The following PCDHGA10 variants were observed in gnomAD, a reference collection of about 807,000 sequenced individuals.
PCDHGA10 encodes the protein protocadherin gamma subfamily A, 10, also known as protocadherin gamma-A10.
PCDHGA10 carries 42 observed loss-of-function variants against 59.5 expected under a neutral mutation model. The ratio of observed to expected loss-of-function variants is 0.71; its 90% confidence interval spans 0.55 to 0.91. The LOEUF is 0.91. Among genes scored for constraint, PCDHGA10 ranks in the 40% least tolerant of loss-of-function variants. PCDHGA10 has a pLI of 0.00. For synonymous variants in PCDHGA10, 511 were observed against 517.2 expected (o/e 0.99, Z 0.16); for missense variants, 1,111 against 1,198.2 (o/e 0.93, Z 1.07).
At chr5:141,416,947 T>G (rs1436457377) in intron 1 of PCDHGA10, 1 of 152,184 alleles carries the variant, frequency 6.6e-6, no homozygotes, top group Non-Finnish European at 1.5e-5. Flanking sequence ...CCATTGAAAC[T>G]ATTATTTTAT....
chr5:141,429,547 A>C (rs2097222392), intron 1 of PCDHGA10, among the ~76,000 whole-genome samples: 1 of 152,196 alleles, frequency 6.6e-6, no homozygotes, highest in Non-Finnish European at 1.5e-5. Flanking sequence ...AGAACATGGT[A>C]ATGATTTGAT....
At position 141,494,872 on chromosome 5, in the gene PCDHGA10, G is replaced by T. The variant is rs917132299; in HGVS notation, c.2495+7G>T. On this transcript the variant is annotated splice_region_variant and intron_variant, in intron 2 of 3. Transcript: ENST00000398610. The stretch of plus-strand genomic sequence containing the variant: ...AGAGACCCGGCACCAGCGGGTAGGT[G>T]ACTGATTCTCCAGCCCACCCTCTTC... 7 of 1,614,010 alleles carry T rather than the reference G, an allele frequency of 4.3e-6. No homozygotes were observed. The highest frequency in any genetic ancestry group is 1.3e-5 in the African/African-American group (1 of 74,910).
intron 1 of PCDHGA10, chr5:141,421,422 C>A (rs908483513): frequency 6.2e-7 from 1 of 1,614,086 alleles, no homozygotes; most frequent in South Asian, 1.1e-5. Flanking sequence ...AGCGCGGAGT[C>A]CGCATCGTCT....
At chr5:141,475,046 T>C (rs1430484084) in intron 1 of PCDHGA10, among the ~76,000 whole-genome samples, 1 of 152,274 alleles carries the variant, frequency 6.6e-6, no homozygotes, top group African/African-American at 2.4e-5. Context: ...CTTTGTATTT[T>C]CTAAAGATTT....
chr5:141,481,729 G>A (rs757464454), intron 1 of PCDHGA10, among the ~76,000 whole-genome samples: 6 of 151,966 alleles, frequency 3.9e-5, no homozygotes, highest in Admixed American at 1.3e-4. Flanking sequence ...GGAGGCGGGC[G>A]GATCACGAGG....
chr5:141,426,691 G>A, intron 1 of PCDHGA10: 1 of 435,886 alleles, frequency 2.3e-6, no homozygotes, highest in South Asian at 1.6e-5. Context: ...CCCCAAAATA[G>A]CATTGTTTTA....
intron 1 of PCDHGA10, among the ~76,000 whole-genome samples, chr5:141,455,408 G>A (rs1024760282): frequency 6.6e-6 from 1 of 152,150 alleles, no homozygotes; most frequent in Non-Finnish European, 1.5e-5. Context: ...TACAGAGACA[G>A]AGGGAGCGGG....
intron 1 of PCDHGA10, chr5:141,426,867 G>A (rs1436078091): frequency 4.4e-6 from 2 of 456,708 alleles, no homozygotes; most frequent in Non-Finnish European, 8.8e-6. Flanking sequence ...ATTAGTGCTG[G>A]AGAAGCCCCT....
chr5:141,494,736 T>A, intron 1 of PCDHGA10, 71 bp from the exon 2 acceptor site: 2 of 1,611,858 alleles, frequency 1.2e-6, no homozygotes, highest in Non-Finnish European at 1.7e-6. Flanking sequence ...TCCCGGCCCA[T>A]CCCTAGGGGC....
At position 141,425,713 on chromosome 5, in the gene PCDHGA10, C is replaced by T. The variant is rs191037499; in HGVS notation, c.2436+10102C>T. 3.9e-4 allele frequency among the ~76,000 whole-genome samples: 60 copies of T among 152,312 alleles called. No homozygotes were observed. In the East Asian group the frequency reaches 6.7e-3, roughly 17 times the overall value. On this transcript the variant is annotated intron_variant, in intron 1 of 3. Transcript: ENST00000398610. ...CATTTCATAGTGGTCAAAATTTTCC[C>T]ATACCACTTGATGGGGATGTTTTCC...
intron 1 of PCDHGA10, chr5:141,478,588 T>G (rs2099465964): frequency 6.3e-7 from 1 of 1,575,000 alleles, no homozygotes; most frequent in African/African-American, 1.4e-5. Flanking sequence ...TAGTGCTTTT[T>G]TATTCCTACA....
In PCDHGA10 at chr5:141,486,499, C is replaced by G. The variant is rs1487201957; in HGVS notation, c.2437-8308C>G. 2 of 1,614,010 alleles carry G rather than the reference C, an allele frequency of 1.2e-6. No homozygotes were observed. Among genetic ancestry groups the G allele is most frequent in the Non-Finnish European group, 1.7e-6 (2 of 1,179,874 alleles). On this transcript the variant is annotated intron_variant, in intron 1 of 3. Coordinates refer to ENST00000398610, the MANE Select transcript of PCDHGA10 (RefSeq NM_018913.3). This position sits in a 1 kb window ranked among gnomAD's most constrained non-coding sequence, Gnocchi z 5.0. ...CTCTCAGTACCCACAGAACTATTTT[C>G]CTCAATATTTCAGATGTGAATGATA...
chr5:141,488,113 T>C (rs1053996929), intron 1 of PCDHGA10, among the ~76,000 whole-genome samples: 1 of 152,084 alleles, frequency 6.6e-6, no homozygotes, highest in African/African-American at 2.4e-5. Flanking sequence ...ATTTGAAACA[T>C]AGAGACAGCA....
At chr5:141,418,778 T>A (rs1256260275) in intron 1 of PCDHGA10, 1 of 1,613,626 alleles carries the variant, frequency 6.2e-7, no homozygotes, top group East Asian at 2.2e-5. Flanking sequence ...TCAGCAGCCT[T>A]TGGATTTTGA....
chr5:141,423,874 A>G (rs1264795133), intron 1 of PCDHGA10: 2 of 1,283,268 alleles, frequency 1.6e-6, no homozygotes, highest in East Asian at 3.1e-5. Context: ...GTCATTTTTC[A>G]ATCTTGGCAT....
In PCDHGA10 at chr5:141,476,208, C is replaced by A. The variant is rs1266601125; in HGVS notation, c.2437-18599C>A. 1.2e-6 allele frequency: 2 copies of A among 1,613,912 alleles called. No homozygotes were observed. Among genetic ancestry groups the A allele is most frequent in the East Asian group, 4.5e-5 (2 of 44,826 alleles). On this transcript the variant is annotated intron_variant, in intron 1 of 3. Coordinates refer to ENST00000398610, the MANE Select transcript of PCDHGA10 (RefSeq NM_018913.3). The surrounding 1 kb of genome is among the most constrained non-coding windows in gnomAD (Gnocchi z 7.6). ...CTTGGTGCCTTGAACAAGGCTTCCA[C>A]GGTCATTCACTATGAGATCCCGGAG...
Position 141,413,878 on chromosome 5 carries a change from A to G in PCDHGA10, c.703A>G (p.Thr235Ala), listed in dbSNP as rs752517949. ...LRSGTVLVSV[T>A]VFDANDNAPV... ...ATCTGGCACTGTCCTTGTCAGTGTGACTGTCTTCGATGCAAATGACAACGC... is the reference window on the plus strand; with the variant it reads ...ATCTGGCACTGTCCTTGTCAGTGTGGCTGTCTTCGATGCAAATGACAACGC... The change falls in exon 1 of 4, where the codon ACT becomes GCT. Residue 235 changes from threonine to alanine, a missense_variant. Thr to Ala is a moderately conservative substitution (Grantham distance 58). Coordinates refer to ENST00000398610, the MANE Select transcript of PCDHGA10 (RefSeq NM_018913.3). 2.5e-6 allele frequency: 4 copies of G among 1,613,272 alleles called. No individual in the cohort carries two copies. The South Asian group carries it at 3.3e-5, about 13-fold the overall frequency.
rs573088236 is a variant in PCDHGA10, at chr5:141,489,279, G to A, written c.2437-5528G>A. On this transcript the variant is annotated intron_variant, in intron 1 of 3. Coordinates refer to ENST00000398610, the MANE Select transcript of PCDHGA10 (RefSeq NM_018913.3). This position sits in a 1 kb window ranked among gnomAD's most constrained non-coding sequence, Gnocchi z 4.5. Reference sequence around the variant, plus strand: ...CACTCCCACAGCTCGCTGGGAAATGGCAAGTGCTGTGCATGTTGTCCTTGT... The same window carrying A: ...CACTCCCACAGCTCGCTGGGAAATGACAAGTGCTGTGCATGTTGTCCTTGT... The A allele has an allele frequency of 6.4e-7, 1 of 1,562,030 alleles. No individual in the cohort carries two copies. Among genetic ancestry groups the A allele is most frequent in the East Asian group, 2.2e-5 (1 of 44,522 alleles).
At chr5:141,484,425 A>G (rs2099596309) in intron 1 of PCDHGA10, among the ~76,000 whole-genome samples, 3 of 152,192 alleles carry the variant, frequency 2.0e-5, no homozygotes, top group African/African-American at 7.2e-5. Flanking sequence ...TACAATGAGA[A>G]CATGTACTGC....
Sources: allele counts gnomAD v4.1 joint callset (sites outside exome capture counted in the v4.1 genomes callset), GRCh38; gene constraint gnomAD v4.1.1; non-coding constraint Gnocchi (gnomAD v3.1); transcripts MANE v1.5; gene names NCBI Gene and HGNC (gene_info 2026-07-23, HGNC 2026-07-21).